COPA: variants seen among roughly 807,000 people sequenced by gnomAD.
COPA encodes coatomer subunit alpha.
COPA carries 10 observed loss-of-function variants against 158.7 expected under a neutral mutation model. The ratio of observed to expected loss-of-function variants is 0.06; its 90% CI spans 0.04 to 0.11. The LOEUF is 0.11. Ranked by LOEUF, COPA falls within the 10% of genes least tolerant of loss-of-function variation. COPA has a pLI of 1.00. For missense variants in COPA, 1,065 were observed against 1,536.7 expected (o/e 0.69, Z 5.13); for synonymous variants, 462 against 542.8 (o/e 0.85, Z 2.07).
chr1:160,329,663 C>T (rs976420307), intron 6 of COPA, among the ~76,000 whole-genome samples: 2 of 152,156 alleles, frequency 1.3e-5, no homozygotes, highest in African/African-American at 2.4e-5. Flanking sequence ...AGTTTTAATG[C>T]CCGAAAGGCA....
intron 26 of COPA, 40 bp from the exon 27 acceptor site, chr1:160,293,274 G>C (rs1485612920): frequency 6.2e-7 from 1 of 1,613,250 alleles, no homozygotes; most frequent in Non-Finnish European, 8.5e-7. Flanking sequence ...GTGAAACTTT[G>C]TCCCTTCTCT....
At chr1:160,307,702 C>A (rs1658835284) in intron 13 of COPA, among the ~76,000 whole-genome samples, 1 of 152,212 alleles carries the variant, frequency 6.6e-6, no homozygotes, top group African/African-American at 2.4e-5. Context: ...CCAACTAAAT[C>A]TTGACAGGAG....
rs141481756 is a variant in COPA at position 160,322,560 on chromosome 1, A to T, written c.706+871T>A. On this transcript the variant is annotated intron_variant, in intron 8 of 32. Coordinates refer to ENST00000241704, the MANE Select transcript of COPA (RefSeq NM_004371.4). ...AATAATTATCAGAGAAATGCAAATCAATGTGTCCTTAACACAGAGGCTGAA... is the reference window on the plus strand; with the variant it reads ...AATAATTATCAGAGAAATGCAAATCTATGTGTCCTTAACACAGAGGCTGAA... Among the ~76,000 whole-genome samples the T allele has an allele frequency of 1.9e-3, 289 of 152,344 alleles. 1 individual carries two copies. The highest frequency in any genetic ancestry group is 0.01 in the Middle Eastern group (3 of 294).
chr1:160,331,508 C>T (rs1647515172), intron 6 of COPA, among the ~76,000 whole-genome samples: 1 of 151,724 alleles, frequency 6.6e-6, no homozygotes, highest in East Asian at 1.9e-4. Context: ...CAAAAATTAG[C>T]TGTGCGTGGT....
At chr1:160,306,902 G>A (rs186603590) in intron 14 of COPA, among the ~76,000 whole-genome samples, 97 of 152,300 alleles carry the variant, frequency 6.4e-4, no homozygotes, top group Non-Finnish European at 1.0e-3. Context: ...GATTTGATGC[G>A]TTTTGGGCTC....
intron 8 of COPA, among the ~76,000 whole-genome samples, chr1:160,314,573 T>C (rs1332075783): frequency 2.0e-5 from 3 of 152,206 alleles, no homozygotes; most frequent in Non-Finnish European, 4.4e-5. Flanking sequence ...AAGACGGCAG[T>C]GAGCCGTGAA....
At chr1:160,323,165 A>G (rs1659383678) in intron 8 of COPA, among the ~76,000 whole-genome samples, 1 of 152,190 alleles carries the variant, frequency 6.6e-6, no homozygotes, top group Non-Finnish European at 1.5e-5. Flanking sequence ...AGTGGATATT[A>G]TTAAGATCGA....
At chr1:160,328,563 C>A (rs569753402) in intron 6 of COPA, among the ~76,000 whole-genome samples, 2 of 152,250 alleles carry the variant, frequency 1.3e-5, no homozygotes, top group South Asian at 2.1e-4. Flanking sequence ...CCTCCCAATA[C>A]GGACCAGGGA....
In COPA at chr1:160,288,610, T is replaced by C. The variant is rs1169173691; in HGVS notation, c.*1547A>G. On this transcript the variant is annotated 3_prime_UTR_variant, in exon 33 of 33. Transcript: ENST00000241704. ...TATATTTACTGATTTTTCAACTATA[T>C]GCATTTATTATTTATTGAAAACATG... 2.6e-5 allele frequency among the ~76,000 whole-genome samples: 4 copies of C among 152,160 alleles called. No homozygotes were observed. The highest frequency in any genetic ancestry group is 4.4e-5 in the Non-Finnish European group (3 of 68,020).
chr1:160,292,815 C>T (rs3747629), intron 27 of COPA, among the ~76,000 whole-genome samples, 195 bp from the exon 28 acceptor site: 2,131 of 152,210 alleles, frequency 0.014, 47 homozygotes, highest in African/African-American at 0.042. Flanking sequence ...ATTAAATAAA[C>T]GTTAGCAGTT....
At chr1:160,342,985 G>A (rs1221545036) in intron 1 of COPA, 146 bp downstream of exon 1, 2 of 975,634 alleles carry the variant, frequency 2.0e-6, no homozygotes, top group African/African-American at 1.6e-5. Context: ...CGCTAGCCAG[G>A]CCCAACCTCT....
rs1557870058 is a variant in COPA, at chr1:160,318,488, AAAAC to A, written c.707-4367_707-4364del. 1.4e-3 allele frequency among the ~76,000 whole-genome samples: 94 copies of A among 66,252 alleles called. 4 individuals are homozygous for A. Among genetic ancestry groups the A allele is most frequent in the African/African-American group, 7.8e-3 (86 of 10,986 alleles). The allele number at this position is 66,252 out of a possible 152,430, so 43.5% of individuals were successfully genotyped here. A position where few individuals can be genotyped will look rare whatever the true frequency, so the allele number is the denominator to read the frequency against. ...ATTTGTAAAAAAAAAAAAAAAAAAA[AAAAC>A]AAAAAAAAAAAAAAAACACTAATGT... On this transcript the variant is annotated intron_variant, in intron 8 of 32. Transcript: ENST00000241704.
chr1:160,297,955 G>A (rs1476261252), intron 19 of COPA, among the ~76,000 whole-genome samples: 4 of 152,032 alleles, frequency 2.6e-5, no homozygotes, highest in African/African-American at 9.7e-5. Context: ...CAAGGCAGGC[G>A]GATCCCGAGG....
chr1:160,333,764 G>T, intron 4 of COPA, 85 bp from the exon 5 acceptor site: 1 of 1,082,800 alleles, frequency 9.2e-7, no homozygotes, highest in Non-Finnish European at 1.4e-6. Flanking sequence ...CTAAAGAACT[G>T]CATTGCTTAA....
chr1:160,293,138 C>A (rs781665205), intron 27 of COPA, 28 bp downstream of exon 27: 2 of 1,613,194 alleles, frequency 1.2e-6, no homozygotes, highest in Non-Finnish European at 1.7e-6. Flanking sequence ...GCTAGGCACA[C>A]TCAAGAGGAA....
chr1:160,331,072 A>G (rs1647491318), intron 6 of COPA, among the ~76,000 whole-genome samples: 2 of 151,598 alleles, frequency 1.3e-5, no homozygotes, highest in Admixed American at 1.3e-4. Flanking sequence ...ATAAAAGTTA[A>G]AAAAAAAGAA....
intron 8 of COPA, among the ~76,000 whole-genome samples, chr1:160,320,583 T>C (rs1659298852): frequency 9.0e-6 from 1 of 111,448 alleles, no homozygotes; most frequent in Non-Finnish European, 1.6e-5. Context: ...CACTCCAGCC[T>C]AGGCAACACA....
chr1:160,313,182 C>G lies in COPA; in HGVS notation c.843-15G>C, dbSNP rs2101846009. 5.0e-6 allele frequency: 8 copies of G among 1,610,754 alleles called. No homozygotes were observed. Among genetic ancestry groups the G allele is most frequent in the African/African-American group, 4.0e-5 (3 of 74,906 alleles). On this transcript the variant is annotated splice_polypyrimidine_tract_variant and intron_variant, in intron 9 of 32. Coordinates refer to ENST00000241704, the MANE Select transcript of COPA (RefSeq NM_004371.4). ...GAACCCCAGTCCTAGAAAAGGTACA[C>G]AAAAAGAAAAACATTAATTTCCTAG...
intron 8 of COPA, among the ~76,000 whole-genome samples, chr1:160,318,984 A>C (rs1274892736): frequency 1.3e-5 from 2 of 152,036 alleles, no homozygotes; most frequent in Non-Finnish European, 2.9e-5. Context: ...TCAAAAAAAA[A>C]CAAAACAAAA....
Sources: allele counts gnomAD v4.1 joint callset (sites outside exome capture counted in the v4.1 genomes callset), GRCh38; gene constraint gnomAD v4.1.1; transcripts MANE v1.5; gene names NCBI Gene and HGNC (gene_info 2026-07-23, HGNC 2026-07-21).